C8orf34: variants seen among roughly 807,000 people sequenced by gnomAD.
C8orf34 encodes uncharacterized protein C8orf34.
In C8orf34, 65 loss-of-function variants were observed where a neutral mutation model predicts 68.3. That is an observed-to-expected ratio of 0.95 (90% confidence interval 0.78 to 1.17). C8orf34 has a LOEUF of 1.17. Among genes scored for constraint, C8orf34 ranks in the 50% most tolerant of loss-of-function variants. The probability of loss-of-function intolerance (pLI) is 0.00; values close to 1 mark genes in which losing one functional copy is unlikely to be tolerated. For synonymous variants in C8orf34, 244 were observed against 241.2 expected (o/e 1.01, Z -0.11); for missense variants, 664 against 655.4 (o/e 1.01, Z -0.14).
At chr8:68,709,255 G>A (rs561350932) in intron 9 of C8orf34, among the ~76,000 whole-genome samples, 176 bp downstream of exon 9, 46 of 152,158 alleles carry the variant, frequency 3.0e-4, no homozygotes, top group Non-Finnish European at 5.9e-4. Flanking sequence ...TAAGAGCAAA[G>A]GAGAGAAGGA....
chr8:68,540,454 T>C (rs1156491041), intron 7 of C8orf34, among the ~76,000 whole-genome samples: 1 of 151,988 alleles, frequency 6.6e-6, no homozygotes. Flanking sequence ...AGAGGATTTG[T>C]TGGACTAGCG....
intron 8 of C8orf34, among the ~76,000 whole-genome samples, chr8:68,694,148 G>T (rs1350174874): frequency 1.3e-5 from 2 of 151,932 alleles, no homozygotes; most frequent in East Asian, 3.9e-4. Flanking sequence ...AAATAGGAGG[G>T]CGATTGATCC....
intron 10 of C8orf34, among the ~76,000 whole-genome samples, chr8:68,751,298 C>G (rs1327471565): frequency 1.3e-5 from 2 of 152,112 alleles, no homozygotes; most frequent in Non-Finnish European, 2.9e-5. Flanking sequence ...AGGAAGAACG[C>G]AGAGCTTGTA....
intron 10 of C8orf34, among the ~76,000 whole-genome samples, chr8:68,727,155 T>C (rs897019952): frequency 6.6e-6 from 1 of 152,146 alleles, no homozygotes; most frequent in Non-Finnish European, 1.5e-5. Context: ...GGTACAGGTA[T>C]TGGGTAAATA....
At chr8:68,661,832 G>C (rs1218169647) in intron 8 of C8orf34, among the ~76,000 whole-genome samples, 1 of 152,086 alleles carries the variant, frequency 6.6e-6, no homozygotes, top group African/African-American at 2.4e-5. Flanking sequence ...CCTAAAGCAA[G>C]CTGGCTAATT....
chr8:68,542,655 T>C (rs1815740446), intron 7 of C8orf34, among the ~76,000 whole-genome samples: 1 of 152,160 alleles, frequency 6.6e-6, no homozygotes, highest in African/African-American at 2.4e-5. Flanking sequence ...AAATTGAGAA[T>C]GTGAGTGGAG....
intron 1 of C8orf34, among the ~76,000 whole-genome samples, chr8:68,423,740 AG>A (rs1276655027): frequency 6.6e-6 from 1 of 152,164 alleles, no homozygotes; most frequent in African/African-American, 2.4e-5. Flanking sequence ...GAAATACCCA[AG>A]ACTGGGTAAT....
chr8:68,576,159 C>CAT (rs1159393262), intron 7 of C8orf34, among the ~76,000 whole-genome samples: 1 of 147,740 alleles, frequency 6.8e-6, no homozygotes, highest in East Asian at 1.9e-4. Flanking sequence ...CACACACACA[C>CAT]ATACACACCC....
In C8orf34 at chr8:68,331,165, G is replaced by A; in HGVS notation, c.153G>A (p.Arg51=). The A allele has an allele frequency of 2.0e-6, 3 of 1,530,162 alleles. No homozygotes were observed. The highest frequency in any genetic ancestry group is 2.4e-5 in the South Asian group (2 of 83,878). The allele number at this position is 1,530,162 out of a possible 1,614,324, so 94.8% of individuals were successfully genotyped here. ...RASHAGQPRL[R]SSCPGPSPGK... is the part of the protein sequence containing the mutation. Reference sequence around the variant, plus strand: ...GCCACGCAGGGCAGCCGAGGCTCCGGAGCTCCTGTCCCGGCCCCAGTCCGG... The same window carrying A: ...GCCACGCAGGGCAGCCGAGGCTCCGAAGCTCCTGTCCCGGCCCCAGTCCGG... The change falls in exon 1 of 14, where the codon CGG becomes CGA. Residue 51 remains arginine, a synonymous_variant. Transcript: ENST00000518698.
chr8:68,644,080 T>A (rs1041120775), intron 8 of C8orf34, among the ~76,000 whole-genome samples: 1 of 152,144 alleles, frequency 6.6e-6, no homozygotes, highest in East Asian at 2.0e-4. Flanking sequence ...CTTCTAAACA[T>A]TTGGTAAGTG....
chr8:68,381,826 T>C (rs72664918), intron 1 of C8orf34, among the ~76,000 whole-genome samples: 6,112 of 151,906 alleles, frequency 0.04, 389 homozygotes, highest in African/African-American at 0.14. Flanking sequence ...TTTTTTCTTT[T>C]AAAATGACTT....
intron 1 of C8orf34, among the ~76,000 whole-genome samples, chr8:68,348,776 T>G (rs1030432580): frequency 6.6e-6 from 1 of 152,058 alleles, no homozygotes; most frequent in Non-Finnish European, 1.5e-5. Context: ...TTGGCTGTTG[T>G]TGGTGTACAG....
intron 5 of C8orf34, among the ~76,000 whole-genome samples, chr8:68,504,117 C>G (rs1338036317): frequency 6.6e-6 from 1 of 152,128 alleles, no homozygotes; most frequent in African/African-American, 2.4e-5. Flanking sequence ...CCCTAGACGA[C>G]CACTAATCTA....
intron 2 of C8orf34, among the ~76,000 whole-genome samples, chr8:68,441,004 C>T (rs1278449603): frequency 1.3e-5 from 2 of 152,102 alleles, no homozygotes; most frequent in South Asian, 2.1e-4. Flanking sequence ...CGGGGTTTCA[C>T]TGTGTTAGCC....
chr8:68,745,616 C>CA (rs1252706024), intron 10 of C8orf34, among the ~76,000 whole-genome samples: 4 of 151,944 alleles, frequency 2.6e-5, no homozygotes, highest in Admixed American at 6.6e-5. Context: ...TTTAAACCAA[C>CA]AAAGATCAAA....
intron 7 of C8orf34, among the ~76,000 whole-genome samples, chr8:68,552,668 T>C (rs909548334): frequency 6.6e-6 from 1 of 152,092 alleles, no homozygotes; most frequent in Non-Finnish European, 1.5e-5. Context: ...GGGGAAGCAT[T>C]GAGTCTTTCA....
At chr8:68,648,040 G>T (rs1819232443) in intron 8 of C8orf34, among the ~76,000 whole-genome samples, 1 of 152,160 alleles carries the variant, frequency 6.6e-6, no homozygotes. Context: ...CAGCAATTTT[G>T]AGTAGAGCAT....
intron 1 of C8orf34, among the ~76,000 whole-genome samples, chr8:68,388,708 G>T (rs1808360890): frequency 6.6e-6 from 1 of 152,154 alleles, no homozygotes; most frequent in Admixed American, 6.5e-5. Context: ...TCTTGATACA[G>T]ATCAGTTGCC....
rs1192705842 is a variant in C8orf34 at position 68,643,644 on chromosome 8, G to T, written c.1241+3133G>T. Among the ~76,000 whole-genome samples, 43 of 152,022 alleles carry T rather than the reference G, an allele frequency of 2.8e-4. 1 individual carries two copies. Among genetic ancestry groups the T allele is most frequent in the Non-Finnish European group, 4.4e-5 (3 of 68,008 alleles). ...TGGTGGGAGGGTGAGCTAGCTTTCT[G>T]GGGTCTTTTTTATAAGGGCACTAAT... On this transcript the variant is annotated intron_variant, in intron 8 of 13. Coordinates refer to ENST00000518698, the MANE Select transcript of C8orf34 (RefSeq NM_052958.4).
Sources: gnomAD v4.1 joint callset for allele counts (sites outside exome capture counted in the v4.1 genomes callset) on GRCh38, gnomAD v4.1.1 for gene constraint, MANE v1.5 for transcripts, NCBI Gene and HGNC (gene_info 2026-07-23, HGNC 2026-07-21) for gene names.